FAR1: variants seen among roughly 807,000 people sequenced by gnomAD.
FAR1 encodes fatty acyl-CoA reductase 1, also known as male sterility domain-containing protein 2.
FAR1 carries 22 observed loss-of-function variants against 61.1 expected under a neutral mutation model. The observed-to-expected ratio is 0.36, with a 90% CI of 0.26 to 0.51. FAR1 has a LOEUF of 0.51. FAR1 is among the 20% of genes least tolerant of loss of function. The pLI is 0.95. For missense variants in FAR1, 359 were observed against 626.9 expected (o/e 0.57, Z 4.56); for synonymous variants, 206 against 209.7 (o/e 0.98, Z 0.15).
At chr11:13,719,370 C>T (rs1848586518) in intron 9 of FAR1, among the ~76,000 whole-genome samples, 1 of 152,058 alleles carries the variant, frequency 6.6e-6, no homozygotes, top group Admixed American at 6.5e-5. Flanking sequence ...AATACAAAGT[C>T]TTATAATTTA....
At chr11:13,686,649 C>T (rs753330219) in intron 1 of FAR1, 7 of 152,132 alleles carry the variant, frequency 4.6e-5, no homozygotes, top group South Asian at 2.1e-4. Flanking sequence ...TCACTATCTT[C>T]GGACCAGCTT....
intron 10 of FAR1, among the ~76,000 whole-genome samples, chr11:13,725,276 A>G (rs1848657636): frequency 6.6e-6 from 1 of 152,190 alleles, no homozygotes. Context: ...GTATCAGTTT[A>G]CATTCCAGAG....
intron 1 of FAR1, among the ~76,000 whole-genome samples, chr11:13,678,656 T>A (rs1848093209): frequency 6.6e-6 from 1 of 152,214 alleles, no homozygotes; most frequent in South Asian, 2.1e-4. Flanking sequence ...GAGCTTCTCA[T>A]GAGCATTATT....
chr11:13,687,942 A>G (rs1294417085), intron 1 of FAR1, among the ~76,000 whole-genome samples: 1 of 100,668 alleles, frequency 9.9e-6, no homozygotes, highest in Non-Finnish European at 1.8e-5. Flanking sequence ...CACACCGGGG[A>G]CTGTTGTGGG....
intron 1 of FAR1, among the ~76,000 whole-genome samples, chr11:13,686,367 A>G (rs1162344703): frequency 6.6e-6 from 1 of 152,056 alleles, no homozygotes; most frequent in Non-Finnish European, 1.5e-5. Flanking sequence ...CCCACTTCTT[A>G]TATATTTGTT....
chr11:13,711,819 CT>C lies in FAR1; in HGVS notation c.768+15del. 6.3e-7 allele frequency: 1 copy of C among 1,594,928 alleles called. No individual in the cohort carries two copies. Among genetic ancestry groups the C allele is most frequent in the Non-Finnish European group, 8.5e-7 (1 of 1,169,764 alleles). On this transcript the variant is annotated intron_variant, in intron 6 of 11. Coordinates refer to ENST00000354817, the MANE Select transcript of FAR1 (RefSeq NM_032228.6). Reference sequence around the variant, plus strand: ...GGTCTCTTTATTGCGGTAAGTAAACCTTTTGATTTATTTAATATTCTATACA... The same window carrying C: ...GGTCTCTTTATTGCGGTAAGTAAACCTTTGATTTATTTAATATTCTATACA...
rs930715813 is a variant in FAR1, at chr11:13,721,018, T to A, written c.1128-712T>A. ...TACTTTTAAAAACAAAGAATCACAG[T>A]CTTTCTTTAAAGACACACTTTAAAA... On this transcript the variant is annotated intron_variant, in intron 9 of 11. Coordinates refer to ENST00000354817, the MANE Select transcript of FAR1 (RefSeq NM_032228.6). This position sits in a 1 kb window ranked among gnomAD's most constrained non-coding sequence, Gnocchi z 4.2. 1 of 152,120 alleles carries A rather than the reference T, an allele frequency of 6.6e-6. No individual in the cohort carries two copies. Among genetic ancestry groups the A allele is most frequent in the Non-Finnish European group, 1.5e-5 (1 of 67,978 alleles). 9.4% of individuals were successfully genotyped at this position (152,120 alleles called of 1,614,324 possible).
rs116871542 is a variant in FAR1, at chr11:13,729,919, G to A, written c.*1145G>A. ...ATACTACATAAGGTAGCAAACTGTT[G>A]AATGAGTTTGAAGGTATCACTTATT... On this transcript the variant is annotated 3_prime_UTR_variant, in exon 12 of 12. Transcript: ENST00000354817. 0.014 allele frequency: 2,176 copies of A among 152,442 alleles called. 25 individuals are homozygous for A. The highest frequency in any genetic ancestry group is 0.021 in the Non-Finnish European group (1,454 of 67,836). The allele number at this position is 152,442 out of a possible 1,614,324, so 9.4% of individuals were successfully genotyped here.
intron 1 of FAR1, among the ~76,000 whole-genome samples, chr11:13,680,378 C>T (rs1004347397): frequency 6.6e-6 from 1 of 152,108 alleles, no homozygotes. Context: ...CAGTTGTGTG[C>T]CACTGTGCCT....
chr11:13,672,536 C>A (rs1489505150), intron 1 of FAR1, among the ~76,000 whole-genome samples: 2 of 143,546 alleles, frequency 1.4e-5, no homozygotes, highest in Non-Finnish European at 1.5e-5. Context: ...CAAAGTGAGA[C>A]CCTGTCTCAA....
Position 13,731,116 on chromosome 11 carries a change from T to G in FAR1, c.*2342T>G, listed in dbSNP as rs945682554. ...TTTGATTAAACTGTATTCTAAAACA[T>G]TTGGGGTTTTTCCCCCTATTCAGTT... On this transcript the variant is annotated 3_prime_UTR_variant, in exon 12 of 12. Coordinates refer to ENST00000354817, the MANE Select transcript of FAR1 (RefSeq NM_032228.6). 3.3e-5 allele frequency: 5 copies of G among 152,452 alleles called. No homozygotes were observed. Among genetic ancestry groups the G allele is most frequent in the Non-Finnish European group, 7.4e-5 (5 of 68,020 alleles). The allele number at this position is 152,452 out of a possible 1,614,324, so 9.4% of individuals were successfully genotyped here. A position where few individuals can be genotyped will look rare whatever the true frequency, so the allele number is the denominator to read the frequency against.
At chr11:13,696,480 T>A (rs905791804) in intron 2 of FAR1, among the ~76,000 whole-genome samples, 6 of 152,168 alleles carry the variant, frequency 3.9e-5, no homozygotes, top group Admixed American at 2.6e-4. Flanking sequence ...GGGCATCTTC[T>A]TCGGGGTCTT....
Position 13,721,967 on chromosome 11 carries a change from C to A in FAR1, c.1257+108C>A. On this transcript the variant is annotated intron_variant, in intron 10 of 11. Transcript: ENST00000354817. This position sits in a 1 kb window ranked among gnomAD's most constrained non-coding sequence, Gnocchi z 4.2. ...CACAGCTATTATGCAACAAGTAAGC[C>A]ATTATTTATAGTCTCTCATAAAGCT... 2 of 873,866 alleles carry A rather than the reference C, an allele frequency of 2.3e-6. No homozygotes were observed. Among genetic ancestry groups the A allele is most frequent in the Non-Finnish European group, 3.4e-6 (2 of 595,464 alleles). 54.1% of individuals were successfully genotyped at this position (873,866 alleles called of 1,614,324 possible).
rs111350227 is a variant in FAR1 at position 13,731,348 on chromosome 11, G to T, written c.*2574G>T. 1.3e-5 allele frequency: 2 copies of T among 152,382 alleles called. No homozygotes were observed. The highest frequency in any genetic ancestry group is 2.4e-5 in the African/African-American group (1 of 41,462). The allele number at this position is 152,382 out of a possible 1,614,324, so 9.4% of individuals were successfully genotyped here. A position where few individuals can be genotyped will look rare whatever the true frequency, so the allele number is the denominator to read the frequency against. ...AAGAATTTCCTTTTCCCCCTTTTTT[G>T]TGTTGTCTATAGGAATTAACTTGGG... On this transcript the variant is annotated 3_prime_UTR_variant, in exon 12 of 12. Transcript: ENST00000354817.
At chr11:13,679,048 T>C (rs527554591) in intron 1 of FAR1, among the ~76,000 whole-genome samples, 1 of 152,268 alleles carries the variant, frequency 6.6e-6, no homozygotes, top group South Asian at 2.1e-4. Context: ...TCGGTTTTAC[T>C]TCAGTAATTT....
chr11:13,706,701 A>G (rs1422525736), intron 3 of FAR1, among the ~76,000 whole-genome samples: 1 of 152,262 alleles, frequency 6.6e-6, no homozygotes, highest in Non-Finnish European at 1.5e-5. Context: ...ATGTTGTACA[A>G]TAGATCTCTT....
chr11:13,724,219 G>GT (rs1463958760), intron 10 of FAR1, among the ~76,000 whole-genome samples: 2 of 152,074 alleles, frequency 1.3e-5, no homozygotes, highest in South Asian at 2.1e-4. Context: ...ATCTGATTAG[G>GT]TTTTTAGCAC....
intron 10 of FAR1, among the ~76,000 whole-genome samples, chr11:13,722,525 G>A (rs1263198899): frequency 2.0e-5 from 3 of 151,586 alleles, no homozygotes; most frequent in Non-Finnish European, 4.4e-5. Flanking sequence ...CCAGGCTGGA[G>A]TGCAATGGCA....
chr11:13,696,385 G>A (rs573471667), intron 2 of FAR1, among the ~76,000 whole-genome samples: 1 of 152,246 alleles, frequency 6.6e-6, no homozygotes, highest in African/African-American at 2.4e-5. Context: ...GGGAGTGATA[G>A]ACGTGTCAGG....
Sources: gnomAD v4.1 joint callset for allele counts (sites outside exome capture counted in the v4.1 genomes callset) on GRCh38, gnomAD v4.1.1 for gene constraint, Gnocchi (gnomAD v3.1) non-coding constraint, MANE v1.5 for transcripts, NCBI Gene and HGNC (gene_info 2026-07-23, HGNC 2026-07-21) for gene names.